TRPA1: variants seen among roughly 807,000 people sequenced by gnomAD.
The protein encoded by TRPA1 is transient receptor potential cation channel subfamily A member 1.
Under a neutral mutation model 131.3 loss-of-function variants are expected in TRPA1, and 129 were observed. The ratio of observed to expected loss-of-function variants is 0.98; its 90% confidence interval spans 0.85 to 1.14. The LOEUF (loss-of-function observed/expected upper bound fraction) is 1.14. Ranked by LOEUF, TRPA1 falls within the 50% of genes most tolerant of loss-of-function variation. The pLI is 0.00. For synonymous variants in TRPA1, 441 were observed against 451.7 expected, an observed-to-expected ratio of 0.98 and a Z score of 0.30; for missense variants, 1,304 against 1,354.2, an observed-to-expected ratio of 0.96 and a Z score of 0.58.
intron 8 of TRPA1, among the ~76,000 whole-genome samples, chr8:72,058,310 C>T (rs1421354585): frequency 6.6e-6 from 1 of 151,990 alleles, no homozygotes; most frequent in African/African-American, 2.4e-5. Context: ...TAAAGTAAAA[C>T]TTTAGCCAAA....
intron 3 of TRPA1, among the ~76,000 whole-genome samples, chr8:72,067,059 T>C (rs1471322845): frequency 6.6e-6 from 1 of 152,244 alleles, no homozygotes; most frequent in African/African-American, 2.4e-5. Context: ...GGGAATATTA[T>C]GCATACCATA....
At chr8:72,062,260 G>A (rs958537420) in intron 6 of TRPA1, 2 of 181,516 alleles carry the variant, frequency 1.1e-5, no homozygotes, top group Non-Finnish European at 2.3e-5. Context: ...AGAAAATACA[G>A]GCCTTTGCAG....
chr8:72,069,232 T>G lies in TRPA1; in HGVS notation c.269-34A>C, dbSNP rs781425375. The G allele has an allele frequency of 1.1e-5, 18 of 1,611,756 alleles. No individual in the cohort carries two copies. In the Middle Eastern group the frequency reaches 6.6e-4, roughly 59 times the overall value. On this transcript the variant is annotated intron_variant, in intron 2 of 26. Transcript: ENST00000262209. Reference sequence around the variant, plus strand: ...AGAAACCAGAATATGGATTAAATTTTGCTTAGACTGTATTCAACACCTCCT... The same window carrying G: ...AGAAACCAGAATATGGATTAAATTTGGCTTAGACTGTATTCAACACCTCCT...
At chr8:72,065,777 A>C (rs1805917443) in intron 3 of TRPA1, among the ~76,000 whole-genome samples, 1 of 152,202 alleles carries the variant, frequency 6.6e-6, no homozygotes, top group African/African-American at 2.4e-5. Flanking sequence ...CACAACAATC[A>C]AGGCAATACT....
At chr8:72,071,304 T>C (rs1283634562) in intron 2 of TRPA1, among the ~76,000 whole-genome samples, 1 of 152,196 alleles carries the variant, frequency 6.6e-6, no homozygotes, top group Non-Finnish European at 1.5e-5. Flanking sequence ...CTAAACAAGG[T>C]AGAGTGTACA....
At chr8:72,058,454 A>C (rs1026982193) in intron 8 of TRPA1, among the ~76,000 whole-genome samples, 6 of 152,208 alleles carry the variant, frequency 3.9e-5, no homozygotes, top group African/African-American at 1.4e-4. Flanking sequence ...ATTTCATGGA[A>C]ATAATCCTGT....
At chr8:72,064,056 T>A (rs1805873243) in intron 4 of TRPA1, among the ~76,000 whole-genome samples, 1 of 152,058 alleles carries the variant, frequency 6.6e-6, no homozygotes, top group Non-Finnish European at 1.5e-5. Context: ...GAACTGAATG[T>A]TATATTATGT....
chr8:72,022,828 C>T lies in TRPA1; in HGVS notation c.*78G>A. ...GCAAAATGAATCATTCTGCTTCTTC[C>T]TCACTCTTTTTAAATTGAAAGTTAG... is the stretch of plus-strand genomic sequence containing the variant. On this transcript the variant is annotated 3_prime_UTR_variant, in exon 27 of 27. Transcript: ENST00000262209. 7.5e-7 allele frequency: 1 copy of T among 1,331,470 alleles called. No homozygotes were observed. Among genetic ancestry groups the T allele is most frequent in the Non-Finnish European group, 1.1e-6 (1 of 931,180 alleles). The allele number at this position is 1,331,470 out of a possible 1,614,324, so 82.5% of individuals were successfully genotyped here.
chr8:72,025,997 A>G lies in TRPA1; in HGVS notation c.3014T>C (p.Val1005Ala). The change falls in exon 25 of 27, where the codon GTG (valine) becomes GCG (alanine). Residue 1005 changes from valine (V) to alanine (A), a missense_variant. Transcript: ENST00000262209. ...LRKVDQKSTIVYPNKPRSGGM... is the reference protein window; with the variant it reads ...LRKVDQKSTIAYPNKPRSGGM... The stretch of plus-strand genomic sequence containing the variant: ...ACCAGATCTGGGTTTGTTGGGATAC[A>G]CGATGGTGGATTTCTGATCCACTTT... 1 of 1,614,018 alleles carries G rather than the reference A, an allele frequency of 6.2e-7. No individual in the cohort carries two copies. Among genetic ancestry groups the G allele is most frequent in the South Asian group, 1.1e-5 (1 of 91,086 alleles).
intron 16 of TRPA1, 40 bp from the exon 17 acceptor site, chr8:72,046,648 A>T (rs756199253): frequency 9.5e-7 from 1 of 1,056,906 alleles, no homozygotes; most frequent in Non-Finnish European, 1.5e-6. Context: ...ATGTACAGTT[A>T]GTCAAGTATA....
intron 1 of TRPA1, 135 bp downstream of exon 1, chr8:72,075,164 T>C: frequency 1.4e-6 from 1 of 729,916 alleles, no homozygotes; most frequent in South Asian, 1.5e-5. Context: ...TAGGGTCACC[T>C]CTTGGATTGT....
chr8:72,047,664 T>G (rs1308442984), intron 15 of TRPA1, among the ~76,000 whole-genome samples: 1 of 152,120 alleles, frequency 6.6e-6, no homozygotes. Flanking sequence ...TAATATAAAC[T>G]TTGTTTCATG....
intron 17 of TRPA1, among the ~76,000 whole-genome samples, chr8:72,045,409 G>A (rs569749511): frequency 6.6e-5 from 10 of 151,738 alleles, no homozygotes; most frequent in Middle Eastern, 6.8e-3. Context: ...TGACGAAAAT[G>A]TTTTCTACCT....
At chr8:72,079,127 A>C (rs1178554568), upstream of TRPA1, among the ~76,000 whole-genome samples, 1 of 151,914 alleles carries the variant, frequency 6.6e-6, no homozygotes, top group Non-Finnish European at 1.5e-5. Flanking sequence ...AGAGTTCTTT[A>C]TTCTAAATAT....
At position 72,021,472 on chromosome 8, in the gene TRPA1, A is replaced by G. The variant is rs1811387731; in HGVS notation, c.*1434T>C. The stretch of plus-strand genomic sequence containing the variant: ...TTCCACCCTTTCTGTTTTAAGAAAT[A>G]TAAAGAACAAAGATATTATTCATAT... On this transcript the variant is annotated 3_prime_UTR_variant, in exon 27 of 27. Coordinates refer to ENST00000262209, the MANE Select transcript of TRPA1 (RefSeq NM_007332.3). The G allele has an allele frequency of 6.6e-6, 1 of 152,208 alleles. No individual in the cohort carries two copies. Among genetic ancestry groups the G allele is most frequent in the Admixed American group, 6.5e-5 (1 of 15,274 alleles). 9.4% of individuals were successfully genotyped at this position (152,208 alleles called of 1,614,324 possible).
At chr8:72,080,318 A>T (rs114123095), upstream of TRPA1, among the ~76,000 whole-genome samples, 5,819 of 151,850 alleles carry the variant, frequency 0.038, 371 homozygotes, top group African/African-American at 0.13. Flanking sequence ...AATATTTTAT[A>T]ATTTGTTTTT....
intron 15 of TRPA1, among the ~76,000 whole-genome samples, chr8:72,049,939 T>A (rs7018400): frequency 0.087 from 13,207 of 151,832 alleles, 660 homozygotes; most frequent in Middle Eastern, 0.12. Context: ...TTATTTTATT[T>A]TTTTTTTTAA....
the TRPA1 span, among the ~76,000 whole-genome samples, chr8:72,086,145 C>A: frequency 1.0e-3 from 154 of 152,272 alleles, 1 homozygote; most frequent in Middle Eastern, 0.01. Context: ...TCGTGATCCA[C>A]CCGCCTCAGC....
intron 8 of TRPA1, among the ~76,000 whole-genome samples, 169 bp downstream of exon 8, chr8:72,059,221 A>G (rs1364274494): frequency 1.3e-5 from 2 of 152,240 alleles, no homozygotes; most frequent in African/African-American, 2.4e-5. Flanking sequence ...TTACGTATTC[A>G]TATGCAATAT....
Sources: gnomAD v4.1 joint callset for allele counts (sites outside exome capture counted in the v4.1 genomes callset) on GRCh38, gnomAD v4.1.1 for gene constraint, MANE v1.5 for transcripts, NCBI Gene and HGNC (gene_info 2026-07-23, HGNC 2026-07-21) for gene names.